The following DNAAF1 variants were observed in gnomAD, a reference collection of about 807,000 sequenced individuals.
The protein encoded by DNAAF1 is dynein axonemal assembly factor 1, also known as dynein assembly factor 1, axonemal.
DNAAF1 carries 65 observed loss-of-function variants against 71.1 expected under a neutral mutation model. That is an observed-to-expected ratio of 0.91 (90% CI 0.75 to 1.12). The LOEUF is 1.12. Ranked by LOEUF, DNAAF1 falls within the 50% of genes most tolerant of loss-of-function variation. The probability of loss-of-function intolerance (pLI) is 0.00; values close to 1 mark genes in which losing one functional copy is unlikely to be tolerated. For synonymous variants in DNAAF1, 414 were observed against 354.6 expected, an observed-to-expected ratio of 1.17 and a Z score of -1.88; for missense variants, 1,178 against 899.8, an observed-to-expected ratio of 1.31 and a Z score of -3.96.
Position 84,148,978 on chromosome 16 carries a change from C to T in DNAAF1, c.125-29C>T, listed in dbSNP as rs1487398082. Reference sequence around the variant, plus strand: ...TATTTTTTGGCATATATCTTGATCTCTACAGACCTGATCTCTTTTATTTTA... The same window carrying T: ...TATTTTTTGGCATATATCTTGATCTTTACAGACCTGATCTCTTTTATTTTA... On this transcript the variant is annotated intron_variant, in intron 1 of 11. Coordinates refer to ENST00000378553, the MANE Select transcript of DNAAF1 (RefSeq NM_178452.6). 1.9e-6 allele frequency: 3 copies of T among 1,613,604 alleles called. No individual in the cohort carries two copies. The African/African-American group carries it at 4.0e-5, about 22-fold the overall frequency.
Position 84,176,239 on chromosome 16 carries a change from G to T in DNAAF1, c.2005G>T (p.Ala669Ser). 6.2e-7 allele frequency: 1 copy of T among 1,613,754 alleles called. No homozygotes were observed. Among genetic ancestry groups the T allele is most frequent in the Non-Finnish European group, 8.5e-7 (1 of 1,180,032 alleles). Residue 669 changes from alanine to serine, a missense_variant, in exon 11 of 12, where the codon GCT becomes TCT. By Grantham distance (99) the Ala-to-Ser change is moderately conservative. Coordinates refer to ENST00000378553, the MANE Select transcript of DNAAF1 (RefSeq NM_178452.6). ...GATGCCCCCCACCTGCCAAAGAGAT[G>T]CTGCACCACTCACTTCCAGTGGAGA... ...LLMPPTCQRD[A>S]APLTSSGDRD...
chr16:84,161,628 A>G (rs180742394), intron 6 of DNAAF1, among the ~76,000 whole-genome samples: 2 of 151,978 alleles, frequency 1.3e-5, no homozygotes, highest in Non-Finnish European at 2.9e-5. Context: ...GGCCTCCCAA[A>G]GCTCTGAGGC....
chr16:84,147,578 C>G (rs1567532135), intron 1 of DNAAF1, among the ~76,000 whole-genome samples: 1 of 151,990 alleles, frequency 6.6e-6, no homozygotes, highest in Admixed American at 6.6e-5. Flanking sequence ...CCTGCCTCAG[C>G]CTCCTGAGTA....
chr16:84,154,391 C>T (rs1204453119), intron 3 of DNAAF1, among the ~76,000 whole-genome samples, 186 bp from the exon 4 acceptor site: 1 of 152,132 alleles, frequency 6.6e-6, no homozygotes, highest in East Asian at 1.9e-4. Flanking sequence ...GTTCTTCTCT[C>T]ATGACCTTAT....
chr16:84,155,780 G>T, intron 5 of DNAAF1, 31 bp downstream of exon 5: 1 of 1,612,632 alleles, frequency 6.2e-7, no homozygotes, highest in Non-Finnish European at 8.5e-7. Flanking sequence ...CAACGAAAAA[G>T]CACCACAGGA....
Position 84,145,322 on chromosome 16 carries a change from G to T in DNAAF1, c.-119G>T. On this transcript the variant is annotated 5_prime_UTR_variant, in exon 1 of 12. Transcript: ENST00000378553. The stretch of plus-strand genomic sequence containing the variant: ...AGCGTTGGGCTGTAAAGACTAGGGC[G>T]CCAGCGGCTGGCGAAGAAGGAAAGA... 1.3e-6 allele frequency: 2 copies of T among 1,503,310 alleles called. No individual in the cohort carries two copies. Among genetic ancestry groups the T allele is most frequent in the Non-Finnish European group, 1.8e-6 (2 of 1,118,062 alleles). The allele number at this position is 1,503,310 out of a possible 1,614,324, so 93.1% of individuals were successfully genotyped here. A position where few individuals can be genotyped will look rare whatever the true frequency, so the allele number is the denominator to read the frequency against.
chr16:84,161,240 G>C (rs1029698520), intron 6 of DNAAF1, among the ~76,000 whole-genome samples: 1 of 152,212 alleles, frequency 6.6e-6, no homozygotes, highest in Admixed American at 6.5e-5. Context: ...GGGCTCCTAG[G>C]AGTGAACCAG....
intron 9 of DNAAF1, chr16:84,172,947 C>A: frequency 9.9e-7 from 1 of 1,007,454 alleles, no homozygotes; most frequent in Non-Finnish European, 1.2e-6. Flanking sequence ...TGTTGACAGT[C>A]TCAAATGCTT....
At chr16:84,164,730 T>C (rs58975351) in intron 6 of DNAAF1, among the ~76,000 whole-genome samples, 16,108 of 152,304 alleles carry the variant, frequency 0.11, 929 homozygotes, top group South Asian at 0.28. Flanking sequence ...TAAACGTCCA[T>C]GTGCAGGTTT....
chr16:84,146,687 G>T (rs1395592645), intron 1 of DNAAF1, among the ~76,000 whole-genome samples: 6 of 151,926 alleles, frequency 3.9e-5, no homozygotes, highest in African/African-American at 1.5e-4. Flanking sequence ...TGAGGCTGCA[G>T]TGAGCCAAGA....
At chr16:84,174,319 C>T (rs957266150) in intron 9 of DNAAF1, 19 of 1,183,028 alleles carry the variant, frequency 1.6e-5, no homozygotes, top group African/African-American at 9.4e-5. Flanking sequence ...ATAGAGTTTT[C>T]GGACTAGTTT....
intron 6 of DNAAF1, among the ~76,000 whole-genome samples, chr16:84,161,827 G>A (rs1237512233): frequency 6.6e-6 from 1 of 151,782 alleles, no homozygotes; most frequent in Non-Finnish European, 1.5e-5. Context: ...ATGTCTCTTC[G>A]GCCTGATTTG....
intron 4 of DNAAF1, among the ~76,000 whole-genome samples, chr16:84,155,366 C>G (rs180766540): frequency 2.0e-4 from 31 of 152,254 alleles, no homozygotes; most frequent in Non-Finnish European, 3.5e-4. Flanking sequence ...GTGGCTGAGA[C>G]CACAGGCATG....
intron 7 of DNAAF1, 115 bp from the exon 8 acceptor site, chr16:84,169,744 T>G: frequency 6.8e-7 from 1 of 1,473,384 alleles, no homozygotes; most frequent in Non-Finnish European, 9.5e-7. Context: ...TTTTTAACTG[T>G]GTTCCTGACC....
rs1395483722 is a variant in DNAAF1, at chr16:84,145,350, G to A, written c.-91G>A. On this transcript the variant is annotated 5_prime_UTR_variant, in exon 1 of 12. Coordinates refer to ENST00000378553, the MANE Select transcript of DNAAF1 (RefSeq NM_178452.6). Reference sequence around the variant, plus strand: ...AGCGGCTGGCGAAGAAGGAAAGAGGGTACTCTCTGGCTGGGCTGGGGCCGT... The same window carrying A: ...AGCGGCTGGCGAAGAAGGAAAGAGGATACTCTCTGGCTGGGCTGGGGCCGT... 2.0e-6 allele frequency: 3 copies of A among 1,534,308 alleles called. No homozygotes were observed. The highest frequency in any genetic ancestry group is 1.2e-5 in the South Asian group (1 of 83,800).
intron 7 of DNAAF1, among the ~76,000 whole-genome samples, chr16:84,169,237 C>T (rs1468786098): frequency 6.8e-6 from 1 of 146,092 alleles, no homozygotes; most frequent in African/African-American, 2.5e-5. Context: ...CCCCGCCCAG[C>T]TATTATTATT....
intron 2 of DNAAF1, among the ~76,000 whole-genome samples, chr16:84,149,408 T>C (rs1383720930): frequency 6.6e-6 from 1 of 152,114 alleles, no homozygotes; most frequent in African/African-American, 2.4e-5. Flanking sequence ...ATGCAATTTT[T>C]AGGCCGGGCG....
At chr16:84,172,066 C>T (rs560373896) in intron 8 of DNAAF1, among the ~76,000 whole-genome samples, 194 bp from the exon 9 acceptor site, 4 of 152,114 alleles carry the variant, frequency 2.6e-5, no homozygotes, top group East Asian at 3.9e-4. Flanking sequence ...TTAATAGACA[C>T]GGGGGTTTCA....
At chr16:84,159,876 G>A (rs1006510713) in intron 6 of DNAAF1, 80 bp downstream of exon 6, 6 of 1,532,284 alleles carry the variant, frequency 3.9e-6, no homozygotes, top group Non-Finnish European at 5.4e-6. Flanking sequence ...TTAAATTTCT[G>A]ATTCTTGAGA....
Sources: gnomAD v4.1 joint callset for allele counts (sites outside exome capture counted in the v4.1 genomes callset) on GRCh38, gnomAD v4.1.1 for gene constraint, MANE v1.5 for transcripts, NCBI Gene and HGNC (gene_info 2026-07-23, HGNC 2026-07-21) for gene names.